KCNQ5: variants seen among roughly 807,000 people sequenced by gnomAD.
KCNQ5 encodes potassium voltage-gated channel subfamily Q member 5, also known as potassium voltage-gated channel subfamily KQT member 5.
A neutral mutation model predicts 98.2 loss-of-function variants in KCNQ5; 30 were observed. The observed-to-expected ratio is 0.31, with a 90% confidence interval of 0.23 to 0.41. The LOEUF (loss-of-function observed/expected upper bound fraction) is 0.41. KCNQ5 is among the 10% of genes least tolerant of loss of function. KCNQ5 has a pLI of 1.00. For synonymous variants in KCNQ5, 458 were observed against 449.4 expected, an observed-to-expected ratio of 1.02 and a Z score of -0.24; for missense variants, 835 against 1,182.5, an observed-to-expected ratio of 0.71 and a Z score of 4.31.
chr6:73,082,887 CTTTT>C (rs66921503), intron 5 of KCNQ5, among the ~76,000 whole-genome samples: 7 of 72,926 alleles, frequency 9.6e-5, no homozygotes, highest in Admixed American at 3.3e-4. Context: ...ATTACCAAAC[CTTTT>C]TTTTTTTTTT....
chr6:72,824,771 T>G (rs1760626623), intron 1 of KCNQ5, among the ~76,000 whole-genome samples: 1 of 151,054 alleles, frequency 6.6e-6, no homozygotes, highest in South Asian at 2.1e-4. Flanking sequence ...CTCTCTCTCT[T>G]TCTTTCTCTG....
chr6:73,181,333 T>TA (rs1386014507), intron 11 of KCNQ5, among the ~76,000 whole-genome samples: 2 of 152,224 alleles, frequency 1.3e-5, no homozygotes, highest in African/African-American at 4.8e-5. Flanking sequence ...TTTGCTGCTG[T>TA]ATTAATCCCA....
intron 1 of KCNQ5, among the ~76,000 whole-genome samples, chr6:72,788,039 G>A (rs1773848869): frequency 1.3e-5 from 2 of 152,166 alleles, no homozygotes; most frequent in Non-Finnish European, 2.9e-5. Context: ...CTTTTCTTGG[G>A]TATCTGCATT....
intron 1 of KCNQ5, among the ~76,000 whole-genome samples, chr6:72,680,932 T>C (rs1436436963): frequency 6.6e-6 from 1 of 152,226 alleles, no homozygotes; most frequent in Non-Finnish European, 1.5e-5. Context: ...AGTGGGTGTT[T>C]AGCAAGTGGC....
At chr6:72,953,097 G>T (rs564618244) in intron 1 of KCNQ5, among the ~76,000 whole-genome samples, 1 of 152,234 alleles carries the variant, frequency 6.6e-6, no homozygotes, top group African/African-American at 2.4e-5. Context: ...AGTGCATTTT[G>T]AGCACACTGT....
chr6:72,825,991 G>A (rs1029840003), intron 1 of KCNQ5, among the ~76,000 whole-genome samples: 9 of 152,032 alleles, frequency 5.9e-5, no homozygotes, highest in African/African-American at 1.9e-4. Context: ...AACCTTAAGC[G>A]TTGTGCCTGC....
At chr6:72,866,434 A>G (rs771710757) in intron 1 of KCNQ5, among the ~76,000 whole-genome samples, 2 of 151,514 alleles carry the variant, frequency 1.3e-5, no homozygotes, top group Non-Finnish European at 2.9e-5. Context: ...TTTTGTATTT[A>G]GTAGAGATGG....
At chr6:72,899,367 T>C (rs1779385987) in intron 1 of KCNQ5, among the ~76,000 whole-genome samples, 1 of 152,172 alleles carries the variant, frequency 6.6e-6, no homozygotes, top group Admixed American at 6.5e-5. Flanking sequence ...CTCTCAAATA[T>C]TGCTGTGCAT....
intron 1 of KCNQ5, among the ~76,000 whole-genome samples, chr6:72,841,722 T>C (rs1183151565): frequency 6.6e-6 from 1 of 152,168 alleles, no homozygotes; most frequent in East Asian, 1.9e-4. Context: ...AGCATGAAAA[T>C]GTTCTTTCTC....
At chr6:73,186,672 G>A (rs1011847944) in intron 11 of KCNQ5, among the ~76,000 whole-genome samples, 7 of 152,138 alleles carry the variant, frequency 4.6e-5, no homozygotes, top group African/African-American at 1.7e-4. Context: ...GTAACATACA[G>A]TAAAATAATT....
intron 10 of KCNQ5, among the ~76,000 whole-genome samples, chr6:73,161,892 G>C (rs1777627031): frequency 6.6e-6 from 1 of 151,822 alleles, no homozygotes; most frequent in African/African-American, 2.4e-5. Flanking sequence ...TCAAAATTTG[G>C]CTTAGATCTT....
chr6:72,733,036 A>G (rs989335124), intron 1 of KCNQ5, among the ~76,000 whole-genome samples: 8 of 152,224 alleles, frequency 5.3e-5, no homozygotes, highest in African/African-American at 1.9e-4. Flanking sequence ...AGGTGTGTTC[A>G]GTTTTCTGTG....
At chr6:72,655,576 T>G (rs566472498) in intron 1 of KCNQ5, among the ~76,000 whole-genome samples, 1 of 152,116 alleles carries the variant, frequency 6.6e-6, no homozygotes, top group African/African-American at 2.4e-5. Flanking sequence ...GGCAAAGACA[T>G]GGAGACAAGC....
intron 7 of KCNQ5, among the ~76,000 whole-genome samples, chr6:73,112,500 C>T (rs1338791235): frequency 2.0e-5 from 3 of 152,106 alleles, no homozygotes; most frequent in Non-Finnish European, 4.4e-5. Context: ...CACCCGCCAC[C>T]GCGCCCGGCT....
intron 1 of KCNQ5, among the ~76,000 whole-genome samples, chr6:72,663,474 C>T (rs1271089712): frequency 6.6e-6 from 1 of 152,108 alleles, no homozygotes; most frequent in Admixed American, 6.5e-5. Flanking sequence ...AACCTGGTTA[C>T]CTTAATTGCT....
At chr6:72,710,557 A>G (rs546208954) in intron 1 of KCNQ5, among the ~76,000 whole-genome samples, 2 of 152,194 alleles carry the variant, frequency 1.3e-5, no homozygotes, top group African/African-American at 2.4e-5. Flanking sequence ...TTTCAGACAA[A>G]ATAGACTTTG....
At chr6:72,863,347 A>G (rs564727356) in intron 1 of KCNQ5, among the ~76,000 whole-genome samples, 2 of 152,350 alleles carry the variant, frequency 1.3e-5, no homozygotes, top group Admixed American at 6.5e-5. Flanking sequence ...AGAAGGCAAG[A>G]TGTCCCATCC....
At chr6:72,814,908 T>A (rs1370132100) in intron 1 of KCNQ5, among the ~76,000 whole-genome samples, 2 of 152,178 alleles carry the variant, frequency 1.3e-5, no homozygotes, top group Non-Finnish European at 2.9e-5. Flanking sequence ...GAGTTTTAAG[T>A]AGGAAACGGT....
At chr6:72,895,315 C>G (rs937397241) in intron 1 of KCNQ5, among the ~76,000 whole-genome samples, 1 of 150,396 alleles carries the variant, frequency 6.6e-6, no homozygotes, top group Non-Finnish European at 1.5e-5. Flanking sequence ...AAAAAAACTC[C>G]ATAGGTGATT....
Sources: allele counts gnomAD v4.1 joint callset (sites outside exome capture counted in the v4.1 genomes callset), GRCh38; gene constraint gnomAD v4.1.1; transcripts MANE v1.5; gene names NCBI Gene and HGNC (gene_info 2026-07-23, HGNC 2026-07-21).